The following UBXN2A variants were observed in gnomAD, a reference collection of about 807,000 sequenced individuals.
UBXN2A encodes the protein UBX domain protein 2A.
Under a neutral mutation model 28.4 loss-of-function variants are expected in UBXN2A, and 28 were observed. The ratio of observed to expected loss-of-function variants is 0.99; its 90% CI spans 0.73 to 1.35. The LOEUF is 1.35. UBXN2A is among the 40% of genes most tolerant of loss of function. The pLI is 0.00. For missense variants in UBXN2A, 253 were observed against 297.9 expected, an observed-to-expected ratio of 0.85 and a Z score of 1.11; for synonymous variants, 97 against 103.6, an observed-to-expected ratio of 0.94 and a Z score of 0.39.
chr2:23,961,947 C>T (rs1169433942), intron 2 of UBXN2A, among the ~76,000 whole-genome samples: 27 of 145,980 alleles, frequency 1.8e-4, no homozygotes, highest in Middle Eastern at 4.0e-3. Context: ...CAGGTTCAAG[C>T]AATTCTCCTG....
chr2:23,971,323 A>C lies in UBXN2A; in HGVS notation c.89A>C (p.Gln30Pro). ...AATCAACCTCTTGGTAATAATCAAC[A>C]ATCAAATTGTGAATATTTTGTTGAT... Reference protein sequence around the residue: ...SDNQPLGNNQQSNCEYFVDSL... With the variant: ...SDNQPLGNNQPSNCEYFVDSL... The change falls in exon 3 of 7, where the codon CAA (glutamine) becomes CCA (proline). Residue 30 changes from glutamine (Q) to proline (P), a missense_variant. Gln to Pro is a moderately conservative substitution (Grantham distance 76, BLOSUM62 -1). Transcript: ENST00000309033. 6.3e-7 allele frequency: 1 copy of C among 1,576,374 alleles called. No individual in the cohort carries two copies. Among genetic ancestry groups the C allele is most frequent in the South Asian group, 1.2e-5 (1 of 85,804 alleles).
chr2:23,981,476 T>C (rs1189281280), intron 4 of UBXN2A, among the ~76,000 whole-genome samples: 2 of 28,918 alleles, frequency 6.9e-5, no homozygotes, highest in Admixed American at 7.0e-4. Context: ...AGCTCCTATC[T>C]AAAAAAAAAA....
intron 2 of UBXN2A, among the ~76,000 whole-genome samples, chr2:23,963,227 G>A (rs1319383115): frequency 6.6e-6 from 1 of 151,984 alleles, no homozygotes; most frequent in Non-Finnish European, 1.5e-5. Flanking sequence ...TTAAAAAATG[G>A]AAGAAAACGC....
intron 1 of UBXN2A, among the ~76,000 whole-genome samples, chr2:23,942,017 T>G (rs2150797036): frequency 6.6e-6 from 1 of 152,190 alleles, no homozygotes; most frequent in East Asian, 1.9e-4. Flanking sequence ...GAGGTAGAGG[T>G]TGCAGTGAGC....
At chr2:23,945,183 G>A (rs1706005971) in intron 1 of UBXN2A, among the ~76,000 whole-genome samples, 1 of 152,122 alleles carries the variant, frequency 6.6e-6, no homozygotes, top group Non-Finnish European at 1.5e-5. Context: ...GCCCTGGAAT[G>A]ACTCAATAAG....
At chr2:23,999,609 T>C in intron 6 of UBXN2A, 63 bp from the exon 7 acceptor site, 1 of 1,497,548 alleles carries the variant, frequency 6.7e-7, no homozygotes, top group Non-Finnish European at 9.1e-7. Context: ...CAGTTGTTGT[T>C]ACTATAAATT....
intron 1 of UBXN2A, among the ~76,000 whole-genome samples, chr2:23,953,853 C>T (rs1364001780): frequency 2.0e-5 from 3 of 152,108 alleles, no homozygotes; most frequent in South Asian, 4.1e-4. Context: ...TGAATGGATT[C>T]AGATTCACAT....
At chr2:23,988,620 A>C (rs540748150) in intron 6 of UBXN2A, among the ~76,000 whole-genome samples, 150 of 152,018 alleles carry the variant, frequency 9.9e-4, no homozygotes, top group African/African-American at 3.5e-3. Context: ...TAAATTTGAC[A>C]CTCGATTAAA....
intron 3 of UBXN2A, among the ~76,000 whole-genome samples, chr2:23,973,885 C>T (rs1455466943): frequency 6.6e-6 from 1 of 152,206 alleles, no homozygotes; most frequent in Non-Finnish European, 1.5e-5. Flanking sequence ...CCACCTCAGC[C>T]TCCCAAAGTG....
intron 2 of UBXN2A, among the ~76,000 whole-genome samples, chr2:23,966,329 G>T (rs1707161131): frequency 6.6e-6 from 1 of 151,932 alleles, no homozygotes; most frequent in Non-Finnish European, 1.5e-5. Flanking sequence ...GTAGAGACGG[G>T]GTTTCACCGT....
chr2:23,952,695 G>A (rs1706433102), intron 1 of UBXN2A, among the ~76,000 whole-genome samples: 1 of 152,044 alleles, frequency 6.6e-6, no homozygotes, highest in East Asian at 1.9e-4. Flanking sequence ...TACCTGCCTT[G>A]GCCTCCCAAA....
chr2:23,942,964 C>A (rs1382467038), intron 1 of UBXN2A, among the ~76,000 whole-genome samples: 2 of 150,660 alleles, frequency 1.3e-5, no homozygotes, highest in East Asian at 3.9e-4. Context: ...TTACTACAAA[C>A]AACTTTTTTT....
intron 6 of UBXN2A, among the ~76,000 whole-genome samples, chr2:23,990,189 G>A: frequency 6.6e-6 from 1 of 151,518 alleles, no homozygotes. Flanking sequence ...TCACTGGAAT[G>A]CCCTCTCACA....
intron 6 of UBXN2A, among the ~76,000 whole-genome samples, chr2:23,988,162 A>G (rs1474620240): frequency 6.6e-6 from 1 of 151,940 alleles, no homozygotes; most frequent in African/African-American, 2.4e-5. Context: ...TTTTCTCCCT[A>G]AGCATTCAAG....
intron 1 of UBXN2A, among the ~76,000 whole-genome samples, chr2:23,932,201 C>A (rs1238796142): frequency 2.0e-5 from 3 of 151,768 alleles, no homozygotes; most frequent in African/African-American, 4.8e-5. Flanking sequence ...ACCTGTAATC[C>A]CAGCTAGTCG....
chr2:23,975,710 C>T (rs949737182), intron 3 of UBXN2A, among the ~76,000 whole-genome samples: 2 of 152,126 alleles, frequency 1.3e-5, no homozygotes, highest in African/African-American at 4.8e-5. Context: ...GCGATCTCAT[C>T]TCCCCACAGC....
chr2:23,945,830 C>CT (rs796764799), intron 1 of UBXN2A, among the ~76,000 whole-genome samples: 1,422 of 138,608 alleles, frequency 0.01, 14 homozygotes, highest in African/African-American at 0.025. Flanking sequence ...TTTTTCTTCT[C>CT]TTTTTTTTTT....
chr2:23,977,172 G>A (rs540258970), intron 4 of UBXN2A, 97 bp downstream of exon 4: 137 of 889,690 alleles, frequency 1.5e-4, no homozygotes, highest in Middle Eastern at 7.1e-4. Context: ...AAGGCCAGCC[G>A]GGGAACATAG....
chr2:23,989,402 T>G (rs1025814693), intron 6 of UBXN2A, among the ~76,000 whole-genome samples: 1 of 150,228 alleles, frequency 6.7e-6, no homozygotes, highest in African/African-American at 2.4e-5. Context: ...CTCCCCAGAC[T>G]CAGGTGATCC....
Sources: gnomAD v4.1 joint callset for allele counts (sites outside exome capture counted in the v4.1 genomes callset) on GRCh38, gnomAD v4.1.1 for gene constraint, MANE v1.5 for transcripts, NCBI Gene and HGNC (gene_info 2026-07-23, HGNC 2026-07-21) for gene names.